Variants in OPN5 observed in about 807,000 individuals in gnomAD.
OPN5 encodes opsin 5.
Under a neutral mutation model 41.7 loss-of-function variants are expected in OPN5, and 18 were observed. The ratio of observed to expected loss-of-function variants is 0.43; its 90% CI spans 0.30 to 0.64. The LOEUF (loss-of-function observed/expected upper bound fraction) is 0.64, where lower values mean the gene tolerates loss of function less well. OPN5 is among the 30% of genes least tolerant of loss of function. The pLI, the probability that OPN5 is intolerant of heterozygous loss-of-function variation, is 0.13. For synonymous variants in OPN5, 178 were observed against 164.3 expected (o/e 1.08, Z -0.64); for missense variants, 318 against 434.5 (o/e 0.73, Z 2.38).
intron 4 of OPN5, among the ~76,000 whole-genome samples, chr6:47,805,973 G>A: frequency 6.6e-6 from 1 of 152,034 alleles, no homozygotes; most frequent in East Asian, 1.9e-4. Context: ...GTCTGATCAA[G>A]ATCTTTTGAG....
rs1178130542 is a variant in OPN5 at position 47,808,408 on chromosome 6, A to G, written c.998+13A>G. On this transcript the variant is annotated intron_variant, in intron 5 of 6. Transcript: ENST00000371211. ...TGGAAGGCTTCAGGTAAAACTTCAG[A>G]AGCTGGAAATGAATTACACTCTCTT... 6.2e-7 allele frequency: 1 copy of G among 1,613,732 alleles called. No homozygotes were observed.
At chr6:47,798,558 ATACT>A (rs1773653263) in intron 4 of OPN5, among the ~76,000 whole-genome samples, 1 of 150,876 alleles carries the variant, frequency 6.6e-6, no homozygotes, top group Non-Finnish European at 1.5e-5. Context: ...TTTAATTTAT[ATACT>A]TAATGATATC....
chr6:47,821,010 G>A (rs1194422778), intron 6 of OPN5, among the ~76,000 whole-genome samples: 1 of 152,146 alleles, frequency 6.6e-6, no homozygotes, highest in Non-Finnish European at 1.5e-5. Flanking sequence ...ATAAGAAAGA[G>A]AAAATATATT....
chr6:47,825,952 C>A (rs55683950), downstream of OPN5: 4,318 of 152,084 alleles, frequency 0.028, 125 homozygotes, highest in Non-Finnish European at 0.043. Flanking sequence ...GGTCTGTAGA[C>A]CTCGGGAGGT....
At chr6:47,795,606 A>G (rs763663934) in intron 4 of OPN5, 43 bp downstream of exon 4, 2 of 1,349,320 alleles carry the variant, frequency 1.5e-6, no homozygotes, top group South Asian at 1.2e-5. Context: ...CTGACTACTT[A>G]CAACTTCATA....
At chr6:47,815,387 A>G (rs1302551050) in intron 6 of OPN5, among the ~76,000 whole-genome samples, 4 of 152,122 alleles carry the variant, frequency 2.6e-5, no homozygotes, top group Admixed American at 6.6e-5. Context: ...AATGAGGGAG[A>G]AAAGACAAAG....
At chr6:47,802,920 A>C (rs1270213411) in intron 4 of OPN5, among the ~76,000 whole-genome samples, 6 of 152,114 alleles carry the variant, frequency 3.9e-5, no homozygotes, top group African/African-American at 1.4e-4. Context: ...AGAAAATTGC[A>C]ATTGGGAAGT....
chr6:47,788,806 G>GGC (rs1554139116), intron 2 of OPN5, among the ~76,000 whole-genome samples: 8 of 128 alleles, frequency 0.062, 1 homozygote, highest in Middle Eastern at 1. Flanking sequence ...AGGATAACCT[G>GGC]GGGGGGGGCG....
intron 6 of OPN5, among the ~76,000 whole-genome samples, chr6:47,820,558 A>C (rs1284332390): frequency 6.6e-6 from 1 of 152,100 alleles, no homozygotes; most frequent in Non-Finnish European, 1.5e-5. Context: ...TATTCCTTTT[A>C]AGGGAGTCGG....
chr6:47,791,138 TTTA>T (rs1403536194), intron 2 of OPN5, among the ~76,000 whole-genome samples: 2 of 152,174 alleles, frequency 1.3e-5, no homozygotes, highest in Non-Finnish European at 2.9e-5. Flanking sequence ...TTCTGGAAGT[TTTA>T]TTATTAAGAA....
chr6:47,811,681 A>G (rs1189436543), exon 6 of OPN5: 1 of 1,612,004 alleles, frequency 6.2e-7, no homozygotes, highest in Non-Finnish European at 8.5e-7. Flanking sequence ...TAGGCTGCAC[A>G]CCGTAACCAC....
At chr6:47,801,805 C>T (rs562057234) in intron 4 of OPN5, among the ~76,000 whole-genome samples, 1 of 97,040 alleles carries the variant, frequency 1.0e-5, no homozygotes, top group East Asian at 6.2e-4. Context: ...GAGCGGGTAA[C>T]AACCATGTTT....
chr6:47,805,055 A>G (rs1350237104), intron 4 of OPN5, among the ~76,000 whole-genome samples: 1 of 152,244 alleles, frequency 6.6e-6, no homozygotes, highest in Non-Finnish European at 1.5e-5. Context: ...AGCTATGTTA[A>G]GTCCCTAGAC....
intron 2 of OPN5, 95 bp from the exon 3 acceptor site, chr6:47,791,701 ATGTGTC>A: frequency 1.1e-6 from 1 of 872,376 alleles, no homozygotes; most frequent in Non-Finnish European, 1.9e-6. Context: ...GTGCGTTCAC[ATGTGTC>A]CCCGTGCTTT....
downstream of OPN5, chr6:47,825,218 A>G (rs1303531140): frequency 6.6e-6 from 1 of 152,160 alleles, no homozygotes; most frequent in East Asian, 1.9e-4. Flanking sequence ...CAATAATAGG[A>G]TTTTGTTAAT....
intron 6 of OPN5, among the ~76,000 whole-genome samples, chr6:47,813,639 G>A (rs1422729010): frequency 1.3e-5 from 2 of 152,206 alleles, no homozygotes; most frequent in South Asian, 2.1e-4. Context: ...TGTGGAAGGT[G>A]GATTGTCTGC....
intron 2 of OPN5, among the ~76,000 whole-genome samples, chr6:47,791,323 C>T (rs1389002271): frequency 6.6e-6 from 1 of 151,294 alleles, no homozygotes; most frequent in Admixed American, 6.6e-5. Flanking sequence ...TCTTAACAGA[C>T]TAGTGTGAGA....
intron 4 of OPN5, among the ~76,000 whole-genome samples, chr6:47,796,405 G>A (rs1380290718): frequency 4.6e-5 from 7 of 152,114 alleles, no homozygotes; most frequent in Admixed American, 3.9e-4. Flanking sequence ...TAAAGCAGTG[G>A]TCTTCACATG....
intron 4 of OPN5, among the ~76,000 whole-genome samples, chr6:47,796,618 A>G (rs1325934507): frequency 6.6e-6 from 1 of 152,062 alleles, no homozygotes; most frequent in Admixed American, 6.6e-5. Context: ...CCAATCAATC[A>G]CGTTGATTGG....
Sources: gnomAD v4.1 joint callset for allele counts (sites outside exome capture counted in the v4.1 genomes callset) on GRCh38, gnomAD v4.1.1 for gene constraint, MANE v1.5 for transcripts, NCBI Gene and HGNC (gene_info 2026-07-23, HGNC 2026-07-21) for gene names.